Variants in STK10 observed in about 807,000 individuals in gnomAD.
The protein encoded by STK10 is serine/threonine-protein kinase 10.
A neutral mutation model predicts 113.8 loss-of-function variants in STK10; 78 were observed. The observed-to-expected ratio is 0.69, with a 90% CI of 0.57 to 0.83. STK10 has a LOEUF of 0.83. Ranked by LOEUF, STK10 falls within the 40% of genes least tolerant of loss-of-function variation. The pLI, the probability that STK10 is intolerant of heterozygous loss-of-function variation, is 0.00. For missense variants in STK10, 1,109 were observed against 1,280.1 expected (o/e 0.87, Z 2.04); for synonymous variants, 465 against 494.7 (o/e 0.94, Z 0.80).
chr5:172,123,871 A>G (rs1769566727), intron 3 of STK10, among the ~76,000 whole-genome samples: 1 of 152,132 alleles, frequency 6.6e-6, no homozygotes, highest in Non-Finnish European at 1.5e-5. Context: ...TGGGGCTAAC[A>G]CAGAGGACAG....
chr5:172,054,827 C>A, intron 16 of STK10, 133 bp from the exon 17 acceptor site: 1 of 1,299,810 alleles, frequency 7.7e-7, no homozygotes, highest in Non-Finnish European at 1.1e-6. Flanking sequence ...CCCAGCACCA[C>A]CTCAGGCTGT....
At chr5:172,163,734 G>C (rs1405571895) in intron 1 of STK10, among the ~76,000 whole-genome samples, 1 of 152,134 alleles carries the variant, frequency 6.6e-6, no homozygotes, top group Non-Finnish European at 1.5e-5. Context: ...TTTCTGCCTA[G>C]GAAAATTTGC....
In STK10 at chr5:172,048,274, A is replaced by G. The variant is rs564680935; in HGVS notation, c.2767-3252T>C. On this transcript the variant is annotated intron_variant, in intron 18 of 18. Coordinates refer to ENST00000176763, the MANE Select transcript of STK10 (RefSeq NM_005990.4). ...AGGCCTTCAGAGAAAACAAGAGAGA[A>G]GGAATTCTGCCTCTAGACAGCAACA... Among the ~76,000 whole-genome samples the G allele has an allele frequency of 1.5e-4, 23 of 152,296 alleles. No homozygotes were observed. The East Asian group carries it at 4.4e-3, about 29-fold the overall frequency.
At chr5:172,045,366 G>C (rs986703975) in intron 18 of STK10, 1 of 505,442 alleles carries the variant, frequency 2.0e-6, no homozygotes, top group Non-Finnish European at 3.8e-6. Flanking sequence ...AAGATGGAGA[G>C]AGACTGAGCA....
chr5:172,046,356 CAAA>C (rs34426237), intron 18 of STK10, among the ~76,000 whole-genome samples: 1 of 123,674 alleles, frequency 8.1e-6, no homozygotes, highest in Non-Finnish European at 1.7e-5. Context: ...GACTCTGTCT[CAAA>C]AAAAAAAAAA....
chr5:172,174,806 C>T (rs762682103), intron 1 of STK10, among the ~76,000 whole-genome samples: 3 of 152,044 alleles, frequency 2.0e-5, no homozygotes, highest in Non-Finnish European at 2.9e-5. Context: ...GGCAATGGTC[C>T]GGAAGCAGAA....
chr5:172,120,234 G>A lies in STK10; in HGVS notation c.371-2604C>T, dbSNP rs746325847. 5.3e-5 allele frequency among the ~76,000 whole-genome samples: 8 copies of A among 152,158 alleles called. No individual in the cohort carries two copies. Among genetic ancestry groups the A allele is most frequent in the South Asian group, 2.1e-4 (1 of 4,826 alleles). On this transcript the variant is annotated intron_variant, in intron 3 of 18. Transcript: ENST00000176763. The surrounding 1 kb of genome is among the most constrained non-coding windows in gnomAD (Gnocchi z 4.0). ...CCTGGTCACCAAAGGGCACTGCTCC[G>A]AGTCTTCCCTCTGCCTACAACAGCA...
At chr5:172,115,626 G>A (rs1346417062) in intron 4 of STK10, among the ~76,000 whole-genome samples, 4 of 152,144 alleles carry the variant, frequency 2.6e-5, no homozygotes, top group Admixed American at 1.3e-4. Flanking sequence ...TAAGAGAGGC[G>A]ACAAGAGGGT....
intron 7 of STK10, among the ~76,000 whole-genome samples, chr5:172,099,502 A>G (rs1768932511): frequency 6.6e-6 from 1 of 152,232 alleles, no homozygotes; most frequent in African/African-American, 2.4e-5. Flanking sequence ...GATCATGCCA[A>G]TGCACTTCAG....
intron 1 of STK10, among the ~76,000 whole-genome samples, chr5:172,158,798 T>C (rs987150405): frequency 3.3e-5 from 5 of 151,942 alleles, no homozygotes; most frequent in Admixed American, 3.3e-4. Context: ...ACAGGAAACA[T>C]AGTGTATAAT....
intron 12 of STK10, among the ~76,000 whole-genome samples, chr5:172,075,821 T>C (rs1054666848): frequency 1.3e-5 from 2 of 152,228 alleles, no homozygotes; most frequent in African/African-American, 4.8e-5. Context: ...TCAGAATGGC[T>C]AAAAAACCTG....
intron 1 of STK10, among the ~76,000 whole-genome samples, chr5:172,158,635 C>G (rs972726017): frequency 1.3e-5 from 2 of 151,952 alleles, no homozygotes; most frequent in Non-Finnish European, 2.9e-5. Context: ...TCAAAACAAA[C>G]AAACAACAAA....
chr5:172,143,138 G>A (rs1770012308), intron 2 of STK10, among the ~76,000 whole-genome samples: 1 of 152,178 alleles, frequency 6.6e-6, no homozygotes, highest in South Asian at 2.1e-4. Flanking sequence ...AGTGCTAGGC[G>A]CAGTGGTTCA....
intron 3 of STK10, among the ~76,000 whole-genome samples, chr5:172,119,727 A>T (rs7707245): frequency 0.04 from 5,486 of 135,836 alleles, 244 homozygotes; most frequent in African/African-American, 0.095. Context: ...AGCCGGGCGT[A>T]GTGGCGGGCG....
At chr5:172,070,846 T>C (rs1399305785) in intron 12 of STK10, among the ~76,000 whole-genome samples, 4 of 151,974 alleles carry the variant, frequency 2.6e-5, no homozygotes, top group African/African-American at 9.7e-5. Context: ...AGTCAGGAAA[T>C]ATTTAATGCC....
chr5:172,072,957 C>T (rs1374557788), intron 12 of STK10, among the ~76,000 whole-genome samples: 1 of 152,136 alleles, frequency 6.6e-6, no homozygotes, highest in Non-Finnish European at 1.5e-5. Flanking sequence ...TGTATTTTTA[C>T]AATCTAGCAA....
At chr5:172,081,068 C>T (rs1002635170) in intron 12 of STK10, among the ~76,000 whole-genome samples, 2 of 152,004 alleles carry the variant, frequency 1.3e-5, no homozygotes, top group Admixed American at 6.6e-5. Flanking sequence ...AAGAATCATG[C>T]TAAGCTGGGC....
At chr5:172,146,230 C>T (rs992372732) in intron 2 of STK10, among the ~76,000 whole-genome samples, 1 of 152,192 alleles carries the variant, frequency 6.6e-6, no homozygotes, top group Admixed American at 6.5e-5. Flanking sequence ...CCCGGGGAAG[C>T]ATGTGTTGGT....
At chr5:172,102,921 T>TG (rs1769021221) in intron 7 of STK10, among the ~76,000 whole-genome samples, 1 of 18,742 alleles carries the variant, frequency 5.3e-5, no homozygotes, top group Admixed American at 7.7e-4. Context: ...ATGCAGATTC[T>TG]GGGTGGGGGG....
Sources: allele counts gnomAD v4.1 joint callset (sites outside exome capture counted in the v4.1 genomes callset), GRCh38; gene constraint gnomAD v4.1.1; non-coding constraint Gnocchi (gnomAD v3.1); transcripts MANE v1.5; gene names NCBI Gene and HGNC (gene_info 2026-07-23, HGNC 2026-07-21).